The following TENT5D variants were observed in gnomAD, a reference collection of about 807,000 sequenced individuals.
TENT5D encodes the protein cancer/testis antigen 112.
For missense variants in TENT5D, 191 were observed against 287.0 expected (o/e 0.67, Z 2.42); for synonymous variants, 103 against 100.6 (o/e 1.02, Z -0.15).
rs1569356412 is a variant in TENT5D at position 80,352,944 on chromosome X, T to C, written c.-142+10380T>C. Among the ~76,000 whole-genome samples the C allele has an allele frequency of 3.6e-5, 4 of 110,563 alleles. No homozygotes were observed. In the Middle Eastern group the frequency reaches 0.019, roughly 512 times the overall value. On this transcript the variant is annotated intron_variant, in intron 3 of 4. Coordinates refer to the TENT5D transcript ENST00000538312. ...CTGGGGGAGGGAGGCCCCCAACTCA[T>C]TGCACTTCCTGGGTGAGTCAACAGC...
At chrX:80,338,614 C>T (rs1003107996) in intron 2 of TENT5D, among the ~76,000 whole-genome samples, 1 of 112,408 alleles carries the variant, frequency 8.9e-6, no homozygotes, top group Admixed American at 9.4e-5. Context: ...AGTCAAGATT[C>T]TAAGCCACTT....
chrX:80,427,767 G>C (rs192039319), intron 1 of TENT5D, among the ~76,000 whole-genome samples: 1 of 111,788 alleles, frequency 8.9e-6, no homozygotes, highest in Admixed American at 9.5e-5. Context: ...GTATTTATTT[G>C]CCTCTAATTT....
intron 3 of TENT5D, among the ~76,000 whole-genome samples, chrX:80,379,334 G>T (rs1283492571): frequency 9.1e-6 from 1 of 109,464 alleles, no homozygotes; most frequent in African/African-American, 3.3e-5. Context: ...TTGATGTGCT[G>T]CTGAATTCGG....
At chrX:80,378,927 G>C (rs945269549) in intron 3 of TENT5D, among the ~76,000 whole-genome samples, 2 of 109,543 alleles carry the variant, frequency 1.8e-5, no homozygotes, top group Non-Finnish European at 3.8e-5. Context: ...GTGAGAGAAG[G>C]CATCCCAGTC....
chrX:80,403,395 C>T (rs956709142), intron 3 of TENT5D, among the ~76,000 whole-genome samples: 5 of 111,887 alleles, frequency 4.5e-5, no homozygotes, highest in African/African-American at 1.6e-4. Context: ...AGCATTTTCT[C>T]GCAGTTTTTA....
intron 2 of TENT5D, among the ~76,000 whole-genome samples, chrX:80,440,083 T>C (rs1932253968): frequency 8.9e-6 from 1 of 111,779 alleles, no homozygotes; most frequent in Non-Finnish European, 1.9e-5. Context: ...TTTCTCCACA[T>C]CCTGGCAAGT....
rs181325562 is a variant in TENT5D at position 80,353,556 on chromosome X, T to G, written c.-142+10992T>G. On this transcript the variant is annotated intron_variant, in intron 3 of 4. Transcript: ENST00000538312. ...TTTGCTTTTATTTTCCTGTGTTAGC[T>G]TACTTAGGATACTTACCTCTAGCTC... Among the ~76,000 whole-genome samples the G allele has an allele frequency of 2.5e-4, 28 of 111,879 alleles. 1 individual carries two copies. The highest frequency in any genetic ancestry group is 9.1e-3 in the Middle Eastern group (2 of 219).
chrX:80,340,894 A>G (rs1929945062), intron 2 of TENT5D, among the ~76,000 whole-genome samples: 1 of 112,463 alleles, frequency 8.9e-6, no homozygotes, highest in African/African-American at 3.2e-5. Context: ...ACCAACAGAC[A>G]AATGATGACA....
intron 3 of TENT5D, among the ~76,000 whole-genome samples, chrX:80,376,750 G>A (rs1223064033): frequency 1.8e-5 from 2 of 111,430 alleles, no homozygotes; most frequent in African/African-American, 6.5e-5. Flanking sequence ...TGAATTTTCT[G>A]TCAGAGATCT....
At chrX:80,407,590 G>A (rs917089659) in intron 3 of TENT5D, among the ~76,000 whole-genome samples, 8 of 106,493 alleles carry the variant, frequency 7.5e-5, no homozygotes, top group African/African-American at 1.4e-4. Flanking sequence ...GGAGCACCCC[G>A]ATTCATAAAG....
chrX:80,377,837 T>A (rs766799135), intron 3 of TENT5D, among the ~76,000 whole-genome samples: 1 of 112,065 alleles, frequency 8.9e-6, no homozygotes, highest in Admixed American at 9.5e-5. Context: ...GTTGAACTAG[T>A]TTACACTCCC....
At chrX:80,389,437 TA>T (rs1269909117) in intron 3 of TENT5D, among the ~76,000 whole-genome samples, 1 of 112,401 alleles carries the variant, frequency 8.9e-6, no homozygotes, top group African/African-American at 3.2e-5. Context: ...CTAGAGCTTT[TA>T]AGTTGAGGAG....
upstream of TENT5D, among the ~76,000 whole-genome samples, chrX:80,415,726 G>T (rs891402326): frequency 2.7e-5 from 3 of 111,573 alleles, no homozygotes; most frequent in African/African-American, 9.8e-5. Flanking sequence ...TTGCATCCAT[G>T]TTTATTAAGG....
intron 2 of TENT5D, among the ~76,000 whole-genome samples, chrX:80,438,971 G>A (rs1027312238): frequency 2.7e-5 from 3 of 111,082 alleles, no homozygotes; most frequent in African/African-American, 9.8e-5. Flanking sequence ...TTGAATAATG[G>A]AAACCACTTT....
chrX:80,341,974 G>A (rs939899092), intron 2 of TENT5D, among the ~76,000 whole-genome samples: 17 of 109,811 alleles, frequency 1.5e-4, no homozygotes, highest in East Asian at 5.7e-4. Flanking sequence ...GCCTCCCAAA[G>A]TGCTGGGACT....
At chrX:80,418,914 A>G (rs970968323), upstream of TENT5D, among the ~76,000 whole-genome samples, 14 of 111,465 alleles carry the variant, frequency 1.3e-4, no homozygotes, top group Non-Finnish European at 2.5e-4. Context: ...CTGATTTCTT[A>G]TTCTACTTAA....
intron 3 of TENT5D, among the ~76,000 whole-genome samples, chrX:80,413,935 T>G (rs1038050397): frequency 2.7e-5 from 3 of 112,506 alleles, no homozygotes; most frequent in African/African-American, 9.7e-5. Flanking sequence ...ACAATTTATG[T>G]GATTACTGAG....
chrX:80,397,308 G>A (rs1931291277), intron 3 of TENT5D, among the ~76,000 whole-genome samples: 1 of 106,435 alleles, frequency 9.4e-6, no homozygotes, highest in African/African-American at 3.5e-5. Flanking sequence ...CGGGGCAGAG[G>A]CGCTCCCCAC....
chrX:80,429,554 C>T (rs1012862761), intron 1 of TENT5D, among the ~76,000 whole-genome samples: 4 of 110,183 alleles, frequency 3.6e-5, no homozygotes, highest in African/African-American at 1.3e-4. Flanking sequence ...CCTCCTGCCT[C>T]GGCCTCCCAA....
Sources: gnomAD v4.1 joint callset for allele counts (sites outside exome capture counted in the v4.1 genomes callset) on GRCh38, gnomAD v4.1.1 for gene constraint, MANE v1.5 for transcripts, NCBI Gene and HGNC (gene_info 2026-07-23, HGNC 2026-07-21) for gene names.